LPP: variants seen among roughly 807,000 people sequenced by gnomAD.
LPP encodes LIM domain containing preferred translocation partner in lipoma.
LPP carries 38 observed loss-of-function variants against 60.4 expected under a neutral mutation model. The observed-to-expected ratio is 0.63, with a 90% CI of 0.49 to 0.83. The LOEUF is 0.83. LPP is among the 40% of genes least tolerant of loss of function. The pLI is 0.00. For missense variants in LPP, 902 were observed against 783.6 expected, an observed-to-expected ratio of 1.15 and a Z score of -1.80; for synonymous variants, 328 against 290.8, an observed-to-expected ratio of 1.13 and a Z score of -1.30.
At chr3:188,676,067 T>G (rs9827572) in intron 7 of LPP, among the ~76,000 whole-genome samples, 59,161 of 151,668 alleles carry the variant, frequency 0.39, 12,075 homozygotes, top group East Asian at 0.77. Context: ...TTGGCTTTGG[T>G]CTGTAATAGA....
In LPP at chr3:188,433,689, GGA is replaced by G. The variant is rs951594549; in HGVS notation, c.193+27387_193+27388del. Among the ~76,000 whole-genome samples the G allele has an allele frequency of 5.4e-5, 8 of 147,510 alleles. No homozygotes were observed. The South Asian group carries it at 1.5e-3, about 28-fold the overall frequency. ...AGGGAGAAAGAGGAGAAAATAGGAA[GGA>G]GAGAGAGAGATGATGGAGAAGAGAG... On this transcript the variant is annotated intron_variant, in intron 4 of 11. Coordinates refer to ENST00000617246, the MANE Select transcript of LPP (RefSeq NM_001375462.1).
At chr3:188,864,573 A>G (rs1025891148) in intron 9 of LPP, among the ~76,000 whole-genome samples, 16 of 152,230 alleles carry the variant, frequency 1.1e-4, no homozygotes, top group African/African-American at 3.9e-4. Flanking sequence ...GAAAGAAGCA[A>G]TTCATTCCAA....
chr3:188,789,192 G>C (rs1460005320), intron 9 of LPP, among the ~76,000 whole-genome samples: 1 of 152,008 alleles, frequency 6.6e-6, no homozygotes, highest in Non-Finnish European at 1.5e-5. Flanking sequence ...CTACCATATA[G>C]TGTAAACATA....
In LPP at chr3:188,887,621, G is replaced by A. The variant is rs918753209; in HGVS notation, c.*13142G>A. On this transcript the variant is annotated 3_prime_UTR_variant, in exon 12 of 12. Transcript: ENST00000617246. The stretch of plus-strand genomic sequence containing the variant: ...AATACATCAACATATCAGGATTATA[G>A]TGCCAAAAATAGTTAAAGTGCCTTG... The A allele has an allele frequency of 2.8e-5, 6 of 214,242 alleles. No individual in the cohort carries two copies. Among genetic ancestry groups the A allele is most frequent in the African/African-American group, 1.4e-4 (6 of 44,280 alleles). The allele number at this position is 214,242 out of a possible 1,614,324, so 13.3% of individuals were successfully genotyped here.
chr3:188,153,149 T>A (rs1466091245), upstream of LPP: 1 of 152,210 alleles, frequency 6.6e-6, no homozygotes, highest in Non-Finnish European at 1.5e-5. Flanking sequence ...TCCGCACAGC[T>A]CGCGGGCATC....
At chr3:188,831,473 A>G (rs1757119143) in intron 9 of LPP, among the ~76,000 whole-genome samples, 1 of 152,146 alleles carries the variant, frequency 6.6e-6, no homozygotes, top group South Asian at 2.1e-4. Flanking sequence ...CTCAATTTAA[A>G]GTGACATTTT....
intron 4 of LPP, among the ~76,000 whole-genome samples, chr3:188,409,231 A>T (rs762277148): frequency 1.3e-5 from 2 of 152,106 alleles, no homozygotes; most frequent in Non-Finnish European, 2.9e-5. Context: ...ATTTCTGCCA[A>T]TTCTCACTCT....
chr3:188,708,247 G>A lies in LPP; in HGVS notation c.1114-20G>A, dbSNP rs1865873610. The A allele has an allele frequency of 6.2e-7, 1 of 1,613,590 alleles. No homozygotes were observed. Among genetic ancestry groups the A allele is most frequent in the Non-Finnish European group, 8.5e-7 (1 of 1,179,772 alleles). ...TGGTCTAGGTGGCAATTAAAGGACT[G>A]TGTGCTTTCTGCCTTTCAGGGTGGC... On this transcript the variant is annotated intron_variant, in intron 7 of 11. Transcript: ENST00000617246.
chr3:188,407,649 G>A (rs181812530), intron 4 of LPP, among the ~76,000 whole-genome samples: 28 of 152,236 alleles, frequency 1.8e-4, no homozygotes, highest in African/African-American at 6.3e-4. Context: ...AGCACTTAGT[G>A]GAACTGGCTT....
At chr3:188,754,158 A>G (rs1377349200) in intron 8 of LPP, among the ~76,000 whole-genome samples, 1 of 152,214 alleles carries the variant, frequency 6.6e-6, no homozygotes, top group Non-Finnish European at 1.5e-5. Flanking sequence ...CAGAAGAGCC[A>G]TATGATAAAT....
intron 5 of LPP, among the ~76,000 whole-genome samples, chr3:188,485,641 C>T (rs1351650206): frequency 2.7e-5 from 4 of 150,532 alleles, no homozygotes; most frequent in African/African-American, 9.8e-5. Context: ...ACTAAAAATA[C>T]AAAAAATTAG....
intron 2 of LPP, among the ~76,000 whole-genome samples, chr3:188,230,107 G>C (rs183758906): frequency 6.7e-6 from 1 of 150,264 alleles, no homozygotes; most frequent in East Asian, 1.9e-4. Context: ...TTTTTTTTGA[G>C]ATGGAGTCTC....
At position 188,610,338 on chromosome 3, in the gene LPP, G is replaced by T. The variant is rs905085448; in HGVS notation, c.1113+494G>T. On this transcript the variant is annotated intron_variant, in intron 7 of 11. Coordinates refer to ENST00000617246, the MANE Select transcript of LPP (RefSeq NM_001375462.1). The surrounding 1 kb of genome is among the most constrained non-coding windows in gnomAD (Gnocchi z 4.4). ...TGCTGTCAGGCTGTGGCCCTGTGAA[G>T]GCGATTATAACTCCCGCAATGTTGG... is the stretch of plus-strand genomic sequence containing the variant. Among the ~76,000 whole-genome samples the T allele has an allele frequency of 6.6e-6, 1 of 152,168 alleles. No homozygotes were observed. The highest frequency in any genetic ancestry group is 2.4e-5 in the African/African-American group (1 of 41,442).
intron 7 of LPP, among the ~76,000 whole-genome samples, chr3:188,702,002 T>C (rs2149601171): frequency 7.7e-6 from 1 of 130,698 alleles, no homozygotes; most frequent in Admixed American, 9.3e-5. Flanking sequence ...CAGGCTGGAA[T>C]GCAATGATGT....
At chr3:188,639,917 G>T (rs1339632042) in intron 7 of LPP, among the ~76,000 whole-genome samples, 1 of 151,958 alleles carries the variant, frequency 6.6e-6, no homozygotes, top group Non-Finnish European at 1.5e-5. Flanking sequence ...TACACTGTTG[G>T]TGGGACTGTA....
In LPP at chr3:188,495,064, T is replaced by TTA. The variant is rs1192152538; in HGVS notation, c.306+10378_306+10379dup. 0.012 allele frequency among the ~76,000 whole-genome samples: 652 copies of TTA among 53,876 alleles called. 101 individuals are homozygous for TTA. In the East Asian group the frequency reaches 0.23, roughly 19 times the overall value. 35.3% of individuals were successfully genotyped at this position (53,876 alleles called of 152,430 possible). A position where few individuals can be genotyped will look rare whatever the true frequency, so the allele number is the denominator to read the frequency against. On this transcript the variant is annotated intron_variant, in intron 5 of 11. Coordinates refer to ENST00000617246, the MANE Select transcript of LPP (RefSeq NM_001375462.1). ...CCTTGCTATTATAAGGTTCAGGATT[T>TTA]TATATATATATATATATATTTTATT... is the stretch of plus-strand genomic sequence containing the variant.
At chr3:188,422,396 A>G (rs1788041469) in intron 4 of LPP, among the ~76,000 whole-genome samples, 1 of 152,166 alleles carries the variant, frequency 6.6e-6, no homozygotes, top group African/African-American at 2.4e-5. Context: ...AGCTTACATT[A>G]AATGCCTGCC....
chr3:188,549,821 G>A (rs1827607201), intron 6 of LPP, among the ~76,000 whole-genome samples: 1 of 152,104 alleles, frequency 6.6e-6, no homozygotes, highest in Admixed American at 6.6e-5. Context: ...TTTTCACAAT[G>A]GATAAAACAA....
At chr3:188,700,711 A>T (rs1864231145) in intron 7 of LPP, among the ~76,000 whole-genome samples, 1 of 152,198 alleles carries the variant, frequency 6.6e-6, no homozygotes, top group Admixed American at 6.5e-5. Context: ...GAAGTTCTGG[A>T]TGTTTCAGGG....
Sources: allele counts gnomAD v4.1 joint callset (sites outside exome capture counted in the v4.1 genomes callset), GRCh38; gene constraint gnomAD v4.1.1; non-coding constraint Gnocchi (gnomAD v3.1); transcripts MANE v1.5; gene names NCBI Gene and HGNC (gene_info 2026-07-23, HGNC 2026-07-21).